ZNF611: variants seen among roughly 807,000 people sequenced by gnomAD.
ZNF611 encodes the protein zinc finger protein 611.
A neutral mutation model predicts 8.9 loss-of-function variants in ZNF611; 6 were observed. The ratio of observed to expected loss-of-function variants is 0.68; its 90% CI spans 0.37 to 1.34. ZNF611 has a LOEUF of 1.34. Ranked by LOEUF, ZNF611 falls within the 40% of genes most tolerant of loss-of-function variation. ZNF611 has a pLI of 0.02. For synonymous variants in ZNF611, 262 were observed against 279.7 expected (o/e 0.94, Z 0.63); for missense variants, 874 against 841.3 (o/e 1.04, Z -0.48).
At chr19:52,712,106 C>T (rs1156428334) in intron 5 of ZNF611, among the ~76,000 whole-genome samples, 2 of 152,032 alleles carry the variant, frequency 1.3e-5, no homozygotes, top group Non-Finnish European at 2.9e-5. Context: ...AGTACGGTGG[C>T]CTGAGGTGAA....
chr19:52,731,572 T>C (rs965010549), intron 1 of ZNF611, among the ~76,000 whole-genome samples: 1 of 152,010 alleles, frequency 6.6e-6, no homozygotes, highest in Non-Finnish European at 1.5e-5. Context: ...TTTCACTCTG[T>C]TGGCCAGGCT....
rs55649603 is a variant in ZNF611, at chr19:52,712,456, TAAAAAAAAAAAAAAAA to T, written c.190+1543_190+1558del. The stretch of plus-strand genomic sequence containing the variant: ...ATGCATGGTGAAACACTGTCTCTAC[TAAAAAAAAAAAAAAAA>T]AAAAAAAAAAAAAAACATTGGCCGG... On this transcript the variant is annotated intron_variant, in intron 5 of 5. Coordinates refer to ENST00000652185, the MANE Select transcript of ZNF611 (RefSeq NM_001161499.2). Among the ~76,000 whole-genome samples, 84 of 37,472 alleles carry T rather than the reference TAAAAAAAAAAAAAAAA, an allele frequency of 2.2e-3. 1 individual carries two copies. The highest frequency in any genetic ancestry group is 8.8e-3 in the African/African-American group (79 of 9,004). The allele number at this position is 37,472 out of a possible 152,430, so 24.6% of individuals were successfully genotyped here.
chr19:52,706,158 C>G lies in ZNF611; in HGVS notation c.897G>C (p.Glu299Asp). ...CKECGKTFSQ[E>D]SSLTCHRRLH... ...GTCTACGATGGCAGGTAAGGGATGA[C>G]TCCTGACTGAAGGTCTTGCCACACT... Residue 299 changes from glutamate to aspartate, a missense_variant, in exon 6 of 6, where the codon GAG (glutamate) becomes GAC (aspartate). Transcript: ENST00000652185. 2 of 1,614,074 alleles carry G rather than the reference C, an allele frequency of 1.2e-6. No homozygotes were observed. The highest frequency in any genetic ancestry group is 2.2e-5 in the East Asian group (1 of 44,876).
At chr19:52,733,602 T>C (rs1249353949) in intron 1 of ZNF611, among the ~76,000 whole-genome samples, 3 of 152,054 alleles carry the variant, frequency 2.0e-5, no homozygotes, top group Non-Finnish European at 4.4e-5. Flanking sequence ...AGCCACTGTG[T>C]CCAGACCCTC....
intron 5 of ZNF611, among the ~76,000 whole-genome samples, chr19:52,712,084 C>G (rs2062283908): frequency 6.6e-6 from 1 of 152,010 alleles, no homozygotes; most frequent in Non-Finnish European, 1.5e-5. Context: ...GAAAGAGATC[C>G]AACAATGCAG....
intron 3 of ZNF611, among the ~76,000 whole-genome samples, chr19:52,717,968 G>C (rs2062328822): frequency 6.6e-6 from 1 of 152,132 alleles, no homozygotes; most frequent in Non-Finnish European, 1.5e-5. Context: ...CAATCTCATA[G>C]AGAAACAATT....
intron 3 of ZNF611, among the ~76,000 whole-genome samples, chr19:52,726,176 C>CT (rs1013337567): frequency 1.3e-5 from 2 of 152,160 alleles, no homozygotes; most frequent in Non-Finnish European, 2.9e-5. Context: ...TCCCTAGAGC[C>CT]TTTGCTTGGG....
At chr19:52,711,375 C>G (rs1781683268) in intron 5 of ZNF611, 1 of 151,964 alleles carries the variant, frequency 6.6e-6, no homozygotes, top group Non-Finnish European at 1.5e-5. Flanking sequence ...AAAAACCAAC[C>G]CTGGAGGCAA....
intron 3 of ZNF611, among the ~76,000 whole-genome samples, chr19:52,725,635 C>A (rs1372046447): frequency 6.6e-6 from 1 of 152,182 alleles, no homozygotes; most frequent in Admixed American, 6.5e-5. Context: ...CAAGAATTTC[C>A]AGGTCTGTGA....
chr19:52,705,992 G>A lies in ZNF611; in HGVS notation c.1063C>T (p.Gln355Ter). The A allele has an allele frequency of 3.1e-6, 5 of 1,613,938 alleles. No individual in the cohort carries two copies. The highest frequency in any genetic ancestry group is 1.1e-5 in the South Asian group (1 of 91,068). The stretch of plus-strand genomic sequence containing the variant: ...ATTCTATGATGTGAAAGTTGTGATT[G>A]TTGATTAAAAGCCTTGTCACATTCA... ...CNECDKAFNQ[Q>*]SQLSHHRIHT... Residue 355 changes from glutamine to a stop codon, truncating the protein, a stop_gained, in exon 6 of 6, where the codon CAA (glutamine) becomes TAA (stop). Transcript: ENST00000652185. LOFTEE classifies it low-confidence loss of function (END_TRUNC).
chr19:52,704,340 C>G lies in ZNF611; in HGVS notation c.*597G>C. ...ATCTTGGACTGAAGACCTTGCCACACTGATGACATTTGTAAGATTTCTGTC... is the reference window on the plus strand; with the variant it reads ...ATCTTGGACTGAAGACCTTGCCACAGTGATGACATTTGTAAGATTTCTGTC... On this transcript the variant is annotated 3_prime_UTR_variant, in exon 6 of 6. Coordinates refer to ENST00000652185, the MANE Select transcript of ZNF611 (RefSeq NM_001161499.2). The G allele has an allele frequency of 1.6e-6, 1 of 606,588 alleles. No individual in the cohort carries two copies. Among genetic ancestry groups the G allele is most frequent in the Non-Finnish European group, 3.2e-6 (1 of 309,982 alleles). 37.6% of individuals were successfully genotyped at this position (606,588 alleles called of 1,614,324 possible).
rs767760772 is a variant in ZNF611 at position 52,706,223 on chromosome 19, C to G, written c.832G>C (p.Asp278His). The change falls in exon 6 of 6, where the codon GAT becomes CAT. Residue 278 changes from aspartate (D) to histidine (H), a missense_variant. By Grantham distance (81) the Asp-to-His change is moderately conservative. Transcript: ENST00000652185. The part of the protein sequence containing the change: ...FNHEQYLACH[D>H]RCHTVEKPYK... ...GGTTTCTCAACAGTGTGACATCTAT[C>G]ATGGCATGCAAGGTATTGCTCGTGA... 1.1e-5 allele frequency: 18 copies of G among 1,614,056 alleles called. No homozygotes were observed. In the Admixed American group the frequency reaches 1.2e-4, roughly 10 times the overall value.
chr19:52,719,956 G>A (rs1160053388), intron 3 of ZNF611, among the ~76,000 whole-genome samples: 1 of 152,194 alleles, frequency 6.6e-6, no homozygotes, highest in Non-Finnish European at 1.5e-5. Context: ...TGAGATTAGG[G>A]AGTGGTGATG....
intron 5 of ZNF611, 146 bp downstream of exon 5, chr19:52,713,869 C>G: frequency 6.8e-7 from 1 of 1,481,328 alleles, no homozygotes; most frequent in African/African-American, 1.4e-5. Flanking sequence ...CCAGCCTCGG[C>G]AATAGGAGCG....
chr19:52,730,284 C>T (rs1181738275), intron 1 of ZNF611, among the ~76,000 whole-genome samples: 1 of 145,744 alleles, frequency 6.9e-6, no homozygotes, highest in East Asian at 2.2e-4. Flanking sequence ...CTCAGCTACT[C>T]GGGAGGCTGA....
intron 3 of ZNF611, among the ~76,000 whole-genome samples, chr19:52,718,630 C>T (rs2062333723): frequency 6.6e-6 from 1 of 150,982 alleles, no homozygotes; most frequent in Non-Finnish European, 1.5e-5. Flanking sequence ...GAAACCCCAT[C>T]TCTACTAAAA....
At chr19:52,720,223 C>G (rs1240292108) in intron 3 of ZNF611, among the ~76,000 whole-genome samples, 1 of 152,250 alleles carries the variant, frequency 6.6e-6, no homozygotes, top group African/African-American at 2.4e-5. Flanking sequence ...CCACATTTCC[C>G]CCTTTTCTTT....
intron 3 of ZNF611, chr19:52,723,705 CA>C (rs1352158978): frequency 6.6e-6 from 1 of 152,216 alleles, no homozygotes; most frequent in Non-Finnish European, 1.5e-5. Flanking sequence ...GGATCCGCAC[CA>C]GCCGAGGTCT....
Position 52,704,859 on chromosome 19 carries a change from C to G in ZNF611, c.*78G>C. 1 of 1,606,460 alleles carries G rather than the reference C, an allele frequency of 6.2e-7. No homozygotes were observed. Among genetic ancestry groups the G allele is most frequent in the Non-Finnish European group, 8.5e-7 (1 of 1,175,476 alleles). On this transcript the variant is annotated 3_prime_UTR_variant, in exon 6 of 6. Transcript: ENST00000652185. ...TTGTCAGAAACCTTACATTTGTAAG[C>G]TTTCTCTCCAGTATAAATTCTCCTA...
Sources: gnomAD v4.1 joint callset for allele counts (sites outside exome capture counted in the v4.1 genomes callset) on GRCh38, gnomAD v4.1.1 for gene constraint, MANE v1.5 for transcripts, NCBI Gene and HGNC (gene_info 2026-07-23, HGNC 2026-07-21) for gene names.